CDK18: variants seen among roughly 807,000 people sequenced by gnomAD.
CDK18 encodes cyclin dependent kinase 18, also known as cyclin-dependent kinase 18.
CDK18 carries 52 observed loss-of-function variants against 62.0 expected under a neutral mutation model. The ratio of observed to expected loss-of-function variants is 0.84; its 90% CI spans 0.67 to 1.06. The LOEUF is 1.06. CDK18 is among the 50% of genes least tolerant of loss of function. The pLI, the probability that CDK18 is intolerant of heterozygous loss-of-function variation, is 0.00. For synonymous variants in CDK18, 237 were observed against 247.0 expected (o/e 0.96, Z 0.38); for missense variants, 604 against 619.9 (o/e 0.97, Z 0.27).
Position 205,527,504 on chromosome 1 carries a change from A to G in CDK18, c.730-290A>G. ...TAAAAGAAAAAAAAAAAAAAAAGGG[A>G]TCAAGCACATATGTCTCCACATAGG... On this transcript the variant is annotated intron_variant, in intron 8 of 15. Transcript: ENST00000429964. This position sits in a 1 kb window ranked among gnomAD's most constrained non-coding sequence, Gnocchi z 4.1. 2 of 295,930 alleles carry G rather than the reference A, an allele frequency of 6.8e-6. No homozygotes were observed. Among genetic ancestry groups the G allele is most frequent in the Non-Finnish European group, 1.2e-5 (2 of 160,746 alleles). The allele number at this position is 295,930 out of a possible 1,614,324, so 18.3% of individuals were successfully genotyped here.
Position 205,526,092 on chromosome 1 carries a change from C to A in CDK18, c.484C>A (p.Arg162Ser). 8 of 1,613,762 alleles carry A rather than the reference C, an allele frequency of 5.0e-6. No homozygotes were observed. Among genetic ancestry groups the A allele is most frequent in the Non-Finnish European group, 6.8e-6 (8 of 1,179,838 alleles). Reference sequence around the variant, plus strand: ...CACCTATGCCACAGTCTTCAAAGGGCGCAGCAAACTGACGGAGAACCTTGT... The same window carrying A: ...CACCTATGCCACAGTCTTCAAAGGGAGCAGCAAACTGACGGAGAACCTTGT... ...EGTYATVFKG[R>S]SKLTENLVAL... The change falls in exon 6 of 16, where the codon CGC becomes AGC. Residue 162 changes from arginine (R) to serine (S), a missense_variant. Physicochemically the swap from Arg to Ser is moderately radical, Grantham distance 110. Transcript: ENST00000429964.
At chr1:205,514,065 G>A (rs1667701168) in intron 1 of CDK18, among the ~76,000 whole-genome samples, 1 of 152,218 alleles carries the variant, frequency 6.6e-6, no homozygotes, top group Non-Finnish European at 1.5e-5. Flanking sequence ...GGGGTGCAAT[G>A]ACGAGTCACG....
chr1:205,512,870 G>C (rs1667633775), intron 1 of CDK18, among the ~76,000 whole-genome samples: 1 of 152,146 alleles, frequency 6.6e-6, no homozygotes, highest in African/African-American at 2.4e-5. Context: ...GAGACTGAGA[G>C]GTCCCCAGGG....
rs541217844 is a variant in CDK18 at position 205,517,757 on chromosome 1, C to A, written c.-21-5390C>A. On this transcript the variant is annotated intron_variant, in intron 1 of 15. Coordinates refer to ENST00000429964, the MANE Select transcript of CDK18 (RefSeq NM_212502.3). The surrounding 1 kb of genome is among the most constrained non-coding windows in gnomAD (Gnocchi z 4.1). ...AGCCACTTCTCACCATCTCCACTGC[C>A]CCCCGCTGGTCCCAGCCACCATCAA... 2.6e-5 allele frequency among the ~76,000 whole-genome samples: 4 copies of A among 152,080 alleles called. No homozygotes were observed. Among genetic ancestry groups the A allele is most frequent in the African/African-American group, 9.7e-5 (4 of 41,380 alleles).
Position 205,516,887 on chromosome 1 carries a change from G to C in CDK18, c.-21-6260G>C, listed in dbSNP as rs532039119. The C allele has an allele frequency of 6.6e-6, 1 of 152,346 alleles. No individual in the cohort carries two copies. Among genetic ancestry groups the C allele is most frequent in the Middle Eastern group, 3.4e-3 (1 of 294 alleles). 9.4% of individuals were successfully genotyped at this position (152,346 alleles called of 1,614,324 possible). A position where few individuals can be genotyped will look rare whatever the true frequency, so the allele number is the denominator to read the frequency against. ...AGGGGTTTGCTGAGAGAAGACTCCA[G>C]TCCTGGCCCCAGGAGCTTGAGAAGT... On this transcript the variant is annotated intron_variant, in intron 1 of 15. Transcript: ENST00000429964. This position sits in a 1 kb window ranked among gnomAD's most constrained non-coding sequence, Gnocchi z 4.8.
intron 1 of CDK18, among the ~76,000 whole-genome samples, chr1:205,507,947 C>T (rs61377566): frequency 5.3e-5 from 8 of 152,166 alleles, no homozygotes; most frequent in Non-Finnish European, 1.2e-4. Flanking sequence ...GCTGTGGGGG[C>T]CCTACCTTCT....
chr1:205,523,066 A>G, intron 1 of CDK18, 81 bp from the exon 2 acceptor site: 1 of 1,437,338 alleles, frequency 7.0e-7, no homozygotes, highest in Non-Finnish European at 9.4e-7. Flanking sequence ...GCTTGATGAG[A>G]GAGCTGAATT....
intron 1 of CDK18, among the ~76,000 whole-genome samples, chr1:205,513,215 TAA>T (rs1206827834): frequency 6.6e-6 from 1 of 152,152 alleles, no homozygotes; most frequent in Non-Finnish European, 1.5e-5. Flanking sequence ...TGAGTGTCTT[TAA>T]AGAGGGCTGA....
At chr1:205,509,227 A>G (rs1667454542) in intron 1 of CDK18, among the ~76,000 whole-genome samples, 1 of 152,152 alleles carries the variant, frequency 6.6e-6, no homozygotes, top group Non-Finnish European at 1.5e-5. Context: ...TCTGGGAGAC[A>G]TGGGCCAGAA....
chr1:205,505,450 CAAAGGGGCAGTG>C (rs377268364), intron 1 of CDK18, among the ~76,000 whole-genome samples: 51,707 of 151,958 alleles, frequency 0.34, 10,788 homozygotes, highest in East Asian at 0.57. Flanking sequence ...CCCGGAAGAC[CAAAGGGGCAGTG>C]CCCCCCTCCA....
rs201758377 is a variant in CDK18 at position 205,526,373 on chromosome 1, T to G, written c.578T>G (p.Leu193Arg). The change falls in exon 7 of 16, where the codon CTG (leucine) becomes CGG (arginine). Residue 193 changes from leucine to arginine, a missense_variant. Physicochemically the swap from Leu to Arg is moderately radical, Grantham distance 102. Coordinates refer to ENST00000429964, the MANE Select transcript of CDK18 (RefSeq NM_212502.3). ...APCTAIREVS[L>R]LKNLKHANIV... ...TGGATCTGTCTCCTCACAGTGTCTC[T>G]GCTGAAGAACCTGAAGCACGCCAAT... The G allele has an allele frequency of 1.3e-5, 21 of 1,613,876 alleles. No individual in the cohort carries two copies. The highest frequency in any genetic ancestry group is 1.8e-5 in the Non-Finnish European group (21 of 1,179,736).
chr1:205,521,853 T>C (rs1394569362), intron 1 of CDK18, among the ~76,000 whole-genome samples: 1 of 152,234 alleles, frequency 6.6e-6, no homozygotes, highest in African/African-American at 2.4e-5. Flanking sequence ...CCTTGGCAAC[T>C]AGGTGCTGGC....
chr1:205,505,087 A>G (rs1419486816), intron 1 of CDK18, among the ~76,000 whole-genome samples: 1 of 151,400 alleles, frequency 6.6e-6, no homozygotes, highest in Non-Finnish European at 1.5e-5. Context: ...GCAATCTCAG[A>G]CCCCGCGCCC....
At position 205,528,119 on chromosome 1, in the gene CDK18, C is replaced by T; in HGVS notation, c.925C>T (p.Pro309Ser). The change falls in exon 10 of 16, where the codon CCC (proline) becomes TCC (serine). Residue 309 changes from proline to serine, a missense_variant. Transcript: ENST00000429964. This position sits in a 1 kb window ranked among gnomAD's most constrained non-coding sequence, Gnocchi z 4.2. ...NEVVTLWYRPPDVLLGSTEYS... is the reference protein window; with the variant it reads ...NEVVTLWYRPSDVLLGSTEYS... ...GGTGGTGACCCTGTGGTACAGGCCC[C>T]CCGATGTGCTGCTGGGATCCACAGA... The T allele has an allele frequency of 3.7e-6, 6 of 1,614,060 alleles. No individual in the cohort carries two copies. The highest frequency in any genetic ancestry group is 5.1e-6 in the Non-Finnish European group (6 of 1,180,004).
At position 205,505,224 on chromosome 1, in the gene CDK18, G is replaced by C. The variant is rs1033609865; in HGVS notation, c.-22+428G>C. On this transcript the variant is annotated intron_variant, in intron 1 of 15. Transcript: ENST00000429964. ...GCTCCCTTCATTCTGGGAAGGGCAA[G>C]GGTCAGGAGTCTCCAGGGACCAAAG... 2.0e-5 allele frequency among the ~76,000 whole-genome samples: 3 copies of C among 152,188 alleles called. No homozygotes were observed. The South Asian group carries it at 6.2e-4, about 32-fold the overall frequency.
At chr1:205,521,338 A>G (rs1668117664) in intron 1 of CDK18, among the ~76,000 whole-genome samples, 1 of 152,184 alleles carries the variant, frequency 6.6e-6, no homozygotes, top group Non-Finnish European at 1.5e-5. Flanking sequence ...CAGCCTCCCA[A>G]GTAACTGGGA....
intron 1 of CDK18, among the ~76,000 whole-genome samples, chr1:205,520,707 A>G (rs1668077696): frequency 6.6e-6 from 1 of 151,892 alleles, no homozygotes; most frequent in South Asian, 2.1e-4. Flanking sequence ...CTCAAAAAAA[A>G]AAAAAAGAAA....
At chr1:205,530,446 C>T in intron 14 of CDK18, 97 bp downstream of exon 14, 1 of 1,362,502 alleles carries the variant, frequency 7.3e-7, no homozygotes, top group Non-Finnish European at 1.0e-6. Context: ...CCAGAGGCCC[C>T]AGCCCCAGCA....
intron 1 of CDK18, chr1:205,522,886 C>T (rs1337199065): frequency 7.1e-6 from 3 of 423,976 alleles, no homozygotes; most frequent in African/African-American, 2.0e-5. Context: ...CCATAGAGAA[C>T]TGCACAGGGC....
Sources: allele counts gnomAD v4.1 joint callset (sites outside exome capture counted in the v4.1 genomes callset), GRCh38; gene constraint gnomAD v4.1.1; non-coding constraint Gnocchi (gnomAD v3.1); transcripts MANE v1.5; gene names NCBI Gene and HGNC (gene_info 2026-07-23, HGNC 2026-07-21).